VSTM4: variants seen among roughly 807,000 people sequenced by gnomAD.
VSTM4 encodes V-set and transmembrane domain containing 4, also known as V-set and transmembrane domain-containing protein 4.
A neutral mutation model predicts 36.4 loss-of-function variants in VSTM4; 20 were observed. That is an observed-to-expected ratio of 0.55 (90% CI 0.39 to 0.80). The LOEUF (loss-of-function observed/expected upper bound fraction) is 0.80, where lower values mean the gene tolerates loss of function less well. Ranked by LOEUF, VSTM4 falls within the 30% of genes least tolerant of loss-of-function variation. The pLI is 0.00. For missense variants in VSTM4, 392 were observed against 404.5 expected (o/e 0.97, Z 0.26); for synonymous variants, 182 against 173.9 (o/e 1.05, Z -0.37).
chr10:49,041,513 GAC>G (rs1442169171), intron 7 of VSTM4, among the ~76,000 whole-genome samples: 2 of 152,120 alleles, frequency 1.3e-5, no homozygotes, highest in African/African-American at 2.4e-5. Context: ...CATCAGCTCA[GAC>G]ACACAAACAA....
At chr10:49,111,248 T>C (rs574675390) in intron 1 of VSTM4, among the ~76,000 whole-genome samples, 2 of 152,238 alleles carry the variant, frequency 1.3e-5, no homozygotes, top group East Asian at 1.9e-4. Flanking sequence ...TTTATTTCAA[T>C]ACTAAGAGAG....
chr10:49,103,916 G>T, intron 2 of VSTM4: 1 of 1,490,762 alleles, frequency 6.7e-7, no homozygotes, highest in Non-Finnish European at 9.2e-7. Context: ...CCACGGGCCT[G>T]GGGTGGGGGG....
intron 5 of VSTM4, among the ~76,000 whole-genome samples, chr10:49,056,471 G>A (rs192510771): frequency 1.3e-5 from 2 of 152,368 alleles, no homozygotes; most frequent in Admixed American, 6.5e-5. Flanking sequence ...TTCAGTCCAT[G>A]CTGGAGGCTG....
intron 4 of VSTM4, among the ~76,000 whole-genome samples, chr10:49,069,159 C>T (rs1844028274): frequency 6.6e-6 from 1 of 152,180 alleles, no homozygotes; most frequent in Non-Finnish European, 1.5e-5. Context: ...CACTGCCACC[C>T]CAAGCTGGGT....
chr10:49,039,266 G>T (rs1843481787), intron 7 of VSTM4, among the ~76,000 whole-genome samples: 1 of 152,110 alleles, frequency 6.6e-6, no homozygotes, highest in South Asian at 2.1e-4. Context: ...GTCTCAGCAG[G>T]ATGAGGGTCC....
At chr10:49,107,542 C>T in intron 2 of VSTM4, 52 bp downstream of exon 2, 1 of 1,538,440 alleles carries the variant, frequency 6.5e-7, no homozygotes, top group South Asian at 1.3e-5. Context: ...CAAAGGGGGG[C>T]CTACTGGCCT....
intron 2 of VSTM4, among the ~76,000 whole-genome samples, chr10:49,095,045 A>G (rs555873498): frequency 1.3e-5 from 2 of 152,280 alleles, no homozygotes; most frequent in African/African-American, 4.8e-5. Context: ...TCCAAGACAA[A>G]TTCCAGCAAA....
At chr10:49,032,101 G>T (rs971362297) in intron 7 of VSTM4, among the ~76,000 whole-genome samples, 2 of 151,768 alleles carry the variant, frequency 1.3e-5, no homozygotes, top group Non-Finnish European at 2.9e-5. Flanking sequence ...ATCACTCCTT[G>T]GTATTATAAG....
intron 7 of VSTM4, among the ~76,000 whole-genome samples, chr10:49,044,657 C>T (rs918929200): frequency 2.0e-5 from 3 of 152,138 alleles, no homozygotes; most frequent in Admixed American, 6.5e-5. Context: ...CTGCAGCTTG[C>T]CTTTTCATTA....
At chr10:49,096,262 C>A (rs1040935713) in intron 2 of VSTM4, among the ~76,000 whole-genome samples, 1 of 152,224 alleles carries the variant, frequency 6.6e-6, no homozygotes, top group Non-Finnish European at 1.5e-5. Flanking sequence ...AATTTCCTCT[C>A]ACACTTTGGG....
chr10:49,037,580 C>G (rs1455925713), intron 7 of VSTM4, among the ~76,000 whole-genome samples: 2 of 152,230 alleles, frequency 1.3e-5, no homozygotes, highest in Non-Finnish European at 2.9e-5. Context: ...AGGGGTAAGA[C>G]CAGTTCTCCC....
At chr10:49,104,046 C>A (rs1844719263) in intron 2 of VSTM4, among the ~76,000 whole-genome samples, 1 of 152,200 alleles carries the variant, frequency 6.6e-6, no homozygotes. Flanking sequence ...CACCTGTAAT[C>A]TCAGCACTTT....
At chr10:49,066,422 A>C (rs1843975331) in intron 4 of VSTM4, among the ~76,000 whole-genome samples, 1 of 152,242 alleles carries the variant, frequency 6.6e-6, no homozygotes, top group South Asian at 2.1e-4. Flanking sequence ...TCCAATTGTC[A>C]TCTGGTAGAG....
At chr10:49,049,472 T>C (rs1184939821) in intron 5 of VSTM4, among the ~76,000 whole-genome samples, 5 of 152,318 alleles carry the variant, frequency 3.3e-5, no homozygotes, top group African/African-American at 1.2e-4. Flanking sequence ...ATTCATCTTC[T>C]TGCAAATGCT....
chr10:49,021,735 A>G (rs913323513), intron 7 of VSTM4, among the ~76,000 whole-genome samples: 4 of 152,162 alleles, frequency 2.6e-5, no homozygotes, highest in African/African-American at 9.7e-5. Flanking sequence ...GTCCTCTCCT[A>G]TACTATGGGT....
At chr10:49,030,414 C>T (rs1356373682) in intron 7 of VSTM4, among the ~76,000 whole-genome samples, 1 of 152,216 alleles carries the variant, frequency 6.6e-6, no homozygotes, top group Non-Finnish European at 1.5e-5. Context: ...CCAAACGCCC[C>T]ACCTACTCTG....
intron 7 of VSTM4, among the ~76,000 whole-genome samples, chr10:49,026,193 T>C (rs897794096): frequency 9.2e-5 from 14 of 152,278 alleles, no homozygotes; most frequent in Admixed American, 8.5e-4. Context: ...CTCAAGATGG[T>C]AGAGAAAACA....
intron 2 of VSTM4, among the ~76,000 whole-genome samples, chr10:49,088,963 C>T (rs1205341943): frequency 6.6e-6 from 1 of 152,214 alleles, no homozygotes; most frequent in African/African-American, 2.4e-5. Context: ...TGCAGAATGG[C>T]AGGCCCCATG....
chr10:49,032,747 CG>C (rs1843365493), intron 7 of VSTM4, among the ~76,000 whole-genome samples: 1 of 152,116 alleles, frequency 6.6e-6, no homozygotes, highest in Non-Finnish European at 1.5e-5. Context: ...AGAGGTTCCA[CG>C]ACAACACTCT....
Sources: allele counts gnomAD v4.1 joint callset (sites outside exome capture counted in the v4.1 genomes callset), GRCh38; gene constraint gnomAD v4.1.1; transcripts MANE v1.5; gene names NCBI Gene and HGNC (gene_info 2026-07-23, HGNC 2026-07-21).